Variants in RBFOX1 observed in about 807,000 individuals in gnomAD.
The protein encoded by RBFOX1 is RNA binding fox-1 homolog 1.
RBFOX1 carries 8 observed loss-of-function variants against 57.7 expected under a neutral mutation model. The observed-to-expected ratio is 0.14, with a 90% CI of 0.08 to 0.25. The LOEUF is 0.25. Ranked by LOEUF, RBFOX1 falls within the 10% of genes least tolerant of loss-of-function variation. The probability of loss-of-function intolerance (pLI) is 1.00; values close to 1 mark genes in which losing one functional copy is unlikely to be tolerated. For missense variants in RBFOX1, 611 were observed against 548.5 expected (o/e 1.11, Z -1.14); for synonymous variants, 326 against 222.4 (o/e 1.47, Z -4.15).
intron 3 of RBFOX1, among the ~76,000 whole-genome samples, chr16:5,642,412 A>T (rs2048910742): frequency 6.6e-6 from 1 of 152,222 alleles, no homozygotes; most frequent in South Asian, 2.1e-4. Context: ...AGGCTTGGTA[A>T]CATTGTTGAA....
chr16:6,277,940 T>C (rs1402467042), intron 1 of RBFOX1, among the ~76,000 whole-genome samples: 1 of 152,198 alleles, frequency 6.6e-6, no homozygotes, highest in African/African-American at 2.4e-5. Flanking sequence ...AGCTCACTTT[T>C]ACTTGGCCCG....
intron 3 of RBFOX1, among the ~76,000 whole-genome samples, chr16:6,997,772 C>G (rs2092394246): frequency 6.6e-6 from 1 of 152,142 alleles, no homozygotes; most frequent in Non-Finnish European, 1.5e-5. Context: ...CAACTACAGA[C>G]TACTCAATTC....
intron 3 of RBFOX1, among the ~76,000 whole-genome samples, chr16:6,946,417 G>A (rs56271348): frequency 0.2 from 30,366 of 152,178 alleles, 3,208 homozygotes; most frequent in Non-Finnish European, 0.23. Context: ...CTTATTGCCT[G>A]AGTTCTGTGA....
In RBFOX1 at chr16:7,652,686, A is replaced by G. The variant is rs531903485; in HGVS notation, c.758-1129A>G. 2.9e-4 allele frequency among the ~76,000 whole-genome samples: 44 copies of G among 152,298 alleles called. No individual in the cohort carries two copies. The South Asian group carries it at 9.1e-3, about 32-fold the overall frequency. ...CTCCCAAAGTGCTGGGATTACAGGC[A>G]TGAGCCACCGCGCCCAGCCCCCACA... On this transcript the variant is annotated intron_variant, in intron 11 of 15. Transcript: ENST00000550418.
At chr16:6,826,167 A>C (rs1049164526) in intron 3 of RBFOX1, among the ~76,000 whole-genome samples, 6 of 151,984 alleles carry the variant, frequency 3.9e-5, no homozygotes, top group African/African-American at 1.5e-4. Flanking sequence ...AGAAGACAGG[A>C]CTCATCGTCG....
intron 1 of RBFOX1, among the ~76,000 whole-genome samples, chr16:6,056,296 T>C (rs141859594): frequency 6.6e-6 from 1 of 152,038 alleles, no homozygotes; most frequent in African/African-American, 2.4e-5. Flanking sequence ...GTCAACGATA[T>C]TGTCTTTCAA....
At chr16:7,577,186 A>G (rs1348212099) in intron 5 of RBFOX1, among the ~76,000 whole-genome samples, 1 of 152,164 alleles carries the variant, frequency 6.6e-6, no homozygotes, top group East Asian at 1.9e-4. Flanking sequence ...TGTTAAACAG[A>G]CATTTATCAT....
chr16:7,627,136 T>TC (rs2060198553), intron 10 of RBFOX1, among the ~76,000 whole-genome samples: 1 of 150,630 alleles, frequency 6.6e-6, no homozygotes, highest in South Asian at 2.1e-4. Flanking sequence ...TTTTTTTTTT[T>TC]TTTCTTTTAA....
chr16:6,778,542 C>G (rs935868684), intron 3 of RBFOX1, among the ~76,000 whole-genome samples: 1 of 152,062 alleles, frequency 6.6e-6, no homozygotes, highest in Non-Finnish European at 1.5e-5. Context: ...GATCGCTGTT[C>G]AGATTTTCCC....
intron 14 of RBFOX1, among the ~76,000 whole-genome samples, chr16:7,698,961 C>T (rs902522751): frequency 6.6e-5 from 10 of 152,078 alleles, no homozygotes; most frequent in South Asian, 2.1e-4. Flanking sequence ...TCCATGCATG[C>T]AGAATTTTAA....
At chr16:6,454,495 C>T (rs940119811) in intron 2 of RBFOX1, among the ~76,000 whole-genome samples, 5 of 152,144 alleles carry the variant, frequency 3.3e-5, no homozygotes, top group African/African-American at 1.2e-4. Flanking sequence ...GAGATCAAGA[C>T]TGTGGTGAGC....
At chr16:5,422,965 GAGGGAGAGGGAGGAGT>G (rs2067394727) in intron 1 of RBFOX1, among the ~76,000 whole-genome samples, 1 of 126,054 alleles carries the variant, frequency 7.9e-6, no homozygotes, top group African/African-American at 3.0e-5. Context: ...AGAGGAGGAG[GAGGGAGAGGGAGGAGT>G]GGGGAGAGGG....
intron 3 of RBFOX1, among the ~76,000 whole-genome samples, chr16:5,845,474 AC>A (rs1437606144): frequency 1.3e-5 from 2 of 152,002 alleles, no homozygotes; most frequent in Non-Finnish European, 2.9e-5. Flanking sequence ...TCCTCATCCA[AC>A]CCAGCTGTTT....
chr16:6,924,169 A>AAATAATAATAATAATAAT (rs34239520), intron 3 of RBFOX1, among the ~76,000 whole-genome samples: 12 of 146,742 alleles, frequency 8.2e-5, no homozygotes, highest in Non-Finnish European at 1.0e-4. Context: ...TCTGTCTCAA[A>AAATAATAATAATAATAAT]AATAATAATA....
chr16:6,031,990 C>G (rs139402650), intron 1 of RBFOX1, among the ~76,000 whole-genome samples: 2 of 152,294 alleles, frequency 1.3e-5, no homozygotes, highest in East Asian at 3.9e-4. Flanking sequence ...CTCACTGGCT[C>G]TGTGTCACTT....
chr16:5,823,223 TG>T (rs1320908660), intron 3 of RBFOX1, among the ~76,000 whole-genome samples: 1 of 152,190 alleles, frequency 6.6e-6, no homozygotes, highest in Non-Finnish European at 1.5e-5. Flanking sequence ...CCATTCACTT[TG>T]CTATTCTAGC....
intron 2 of RBFOX1, among the ~76,000 whole-genome samples, chr16:6,537,151 A>C (rs2096746547): frequency 6.6e-6 from 1 of 152,070 alleles, no homozygotes; most frequent in Non-Finnish European, 1.5e-5. Flanking sequence ...GGATCTTTCC[A>C]GGAATCTTCC....
intron 3 of RBFOX1, among the ~76,000 whole-genome samples, chr16:6,871,267 C>T (rs111945628): frequency 5.9e-5 from 9 of 152,146 alleles, no homozygotes; most frequent in Admixed American, 3.3e-4. Context: ...CTCACTCTAA[C>T]CTCCCCCTCC....
rs189456396 is a variant in RBFOX1 at position 6,872,410 on chromosome 16, G to A, written c.-15-179647G>A. On this transcript the variant is annotated intron_variant, in intron 3 of 15. Transcript: ENST00000550418. ...TATGACCATAGCTCTTTTTTTAATC[G>A]ATCACCTTTTAACACTTTAAGAACT... Among the ~76,000 whole-genome samples the A allele has an allele frequency of 4.0e-5, 6 of 150,656 alleles. 1 individual carries two copies. Among genetic ancestry groups the A allele is most frequent in the African/African-American group, 1.5e-4 (6 of 40,902 alleles).
Sources: allele counts gnomAD v4.1 joint callset (sites outside exome capture counted in the v4.1 genomes callset), GRCh38; gene constraint gnomAD v4.1.1; transcripts MANE v1.5; gene names NCBI Gene and HGNC (gene_info 2026-07-23, HGNC 2026-07-21).